The following FUT8 variants were observed in gnomAD, a reference collection of about 807,000 sequenced individuals.
FUT8 encodes the protein fucosyltransferase 8, also known as alpha-(1,6)-fucosyltransferase.
In FUT8, 29 loss-of-function variants were observed where a neutral mutation model predicts 71.3. That is an observed-to-expected ratio of 0.41 (90% CI 0.30 to 0.55). The LOEUF (loss-of-function observed/expected upper bound fraction) is 0.55, where lower values mean the gene tolerates loss of function less well. Among genes scored for constraint, FUT8 ranks in the 20% least tolerant of loss-of-function variants. FUT8 has a pLI of 0.34. For missense variants in FUT8, 544 were observed against 702.1 expected (o/e 0.77, Z 2.55); for synonymous variants, 254 against 239.3 (o/e 1.06, Z -0.57).
chr14:65,587,188 C>CAA (rs552458003), intron 3 of FUT8, among the ~76,000 whole-genome samples: 98 of 62,854 alleles, frequency 1.6e-3, no homozygotes, highest in African/African-American at 4.1e-3. Flanking sequence ...GACTCTGTCT[C>CAA]AAAAAAAAAA....
intron 3 of FUT8, among the ~76,000 whole-genome samples, chr14:65,604,580 C>T (rs1566846996): frequency 6.6e-6 from 1 of 151,788 alleles, no homozygotes. Flanking sequence ...CCTATCAAAA[C>T]CTCTGGGATA....
chr14:65,715,903 G>A (rs1238452946), intron 7 of FUT8, among the ~76,000 whole-genome samples: 1 of 151,738 alleles, frequency 6.6e-6, no homozygotes, highest in African/African-American at 2.4e-5. Context: ...CTTGAGCCTG[G>A]GAGGCAGAGT....
At chr14:65,416,883 A>G (rs1407168502) in intron 1 of FUT8, among the ~76,000 whole-genome samples, 21 of 150,328 alleles carry the variant, frequency 1.4e-4, no homozygotes, top group Admixed American at 1.0e-3. Context: ...TCCCTGGTTC[A>G]AGCCATTCTC....
the FUT8 span, among the ~76,000 whole-genome samples, chr14:65,391,734 C>T: frequency 4.0e-5 from 6 of 151,462 alleles, no homozygotes; most frequent in African/African-American, 9.7e-5. Context: ...GTGATCCACC[C>T]GCCTCAGCCT....
At chr14:65,710,001 TTC>T (rs1594923882) in intron 7 of FUT8, among the ~76,000 whole-genome samples, 1 of 152,234 alleles carries the variant, frequency 6.6e-6, no homozygotes, top group African/African-American at 2.4e-5. Flanking sequence ...GTCATTTTAT[TTC>T]TCTCTCTTTT....
rs2065176665 is a variant in FUT8 at position 65,413,704 on chromosome 14, T to G, written c.-326+490T>G. On this transcript the variant is annotated intron_variant, in intron 1 of 10. Coordinates refer to ENST00000673929, the MANE Select transcript of FUT8 (RefSeq NM_001371533.1). This position sits in a 1 kb window ranked among gnomAD's most constrained non-coding sequence, Gnocchi z 4.1. ...GGGCTAGAAAGCAGGGAGTGGACCC[T>G]CACAAAGATCCGCGAGGGACTGATG... 6.6e-6 allele frequency among the ~76,000 whole-genome samples: 1 copy of G among 152,168 alleles called. No individual in the cohort carries two copies. Among genetic ancestry groups the G allele is most frequent in the East Asian group, 1.9e-4 (1 of 5,200 alleles).
chr14:65,670,717 C>T (rs1476023129), intron 7 of FUT8, among the ~76,000 whole-genome samples: 1 of 151,826 alleles, frequency 6.6e-6, no homozygotes, highest in Non-Finnish European at 1.5e-5. Flanking sequence ...ATTTCTTTTG[C>T]CTCCTTTGAA....
In FUT8 at chr14:65,652,937, T is replaced by C. The variant is rs1566876747; in HGVS notation, c.598-16306T>C. Among the ~76,000 whole-genome samples the C allele has an allele frequency of 6.6e-6, 1 of 152,206 alleles. No individual in the cohort carries two copies. On this transcript the variant is annotated intron_variant, in intron 6 of 10. Coordinates refer to ENST00000673929, the MANE Select transcript of FUT8 (RefSeq NM_001371533.1). The surrounding 1 kb of genome is among the most constrained non-coding windows in gnomAD (Gnocchi z 4.0). ...CATTGGCCATCTCTCTCTGTATTGG[T>C]CTTTTCAGTATTGCAACTTCAAGGT...
At chr14:65,415,954 C>G (rs1280394271) in intron 1 of FUT8, among the ~76,000 whole-genome samples, 1 of 152,090 alleles carries the variant, frequency 6.6e-6, no homozygotes, top group East Asian at 1.9e-4. Context: ...AGCCTAGAAA[C>G]TGATAGTTAT....
At chr14:65,476,637 ATTTTT>A (rs200882761) in intron 2 of FUT8, among the ~76,000 whole-genome samples, 3,639 of 120,270 alleles carry the variant, frequency 0.03, 31 homozygotes, top group Non-Finnish European at 0.046. Context: ...AAAGAAGTAG[ATTTTT>A]TTTTTTTTTT....
intron 5 of FUT8, among the ~76,000 whole-genome samples, chr14:65,623,792 C>T (rs1020096237): frequency 6.6e-6 from 1 of 152,156 alleles, no homozygotes; most frequent in African/African-American, 2.4e-5. Context: ...CCTCAAATGG[C>T]CAGCACTATT....
intron 7 of FUT8, among the ~76,000 whole-genome samples, chr14:65,670,402 G>C (rs1892419498): frequency 1.3e-5 from 2 of 152,210 alleles, no homozygotes; most frequent in African/African-American, 4.8e-5. Flanking sequence ...AATGCACTTA[G>C]TACTGATATA....
chr14:65,494,035 A>G (rs1386208043), intron 2 of FUT8, among the ~76,000 whole-genome samples: 1 of 152,158 alleles, frequency 6.6e-6, no homozygotes, highest in Admixed American at 6.6e-5. Flanking sequence ...TTATAATACT[A>G]TATAAACATG....
intron 6 of FUT8, among the ~76,000 whole-genome samples, chr14:65,632,161 C>T (rs1485462695): frequency 6.6e-6 from 1 of 152,190 alleles, no homozygotes; most frequent in African/African-American, 2.4e-5. Flanking sequence ...CACAATTTTG[C>T]ATTTGCGAAC....
intron 1 of FUT8, among the ~76,000 whole-genome samples, chr14:65,454,281 A>G (rs1253668353): frequency 1.3e-5 from 2 of 152,086 alleles, no homozygotes; most frequent in Non-Finnish European, 2.9e-5. Flanking sequence ...GGGCTTTGGG[A>G]GTAGTTGACT....
intron 6 of FUT8, among the ~76,000 whole-genome samples, chr14:65,655,245 G>A (rs1334354872): frequency 3.3e-5 from 5 of 151,656 alleles, no homozygotes; most frequent in Non-Finnish European, 5.9e-5. Context: ...AGGCTGAGGC[G>A]GGCAGATCAT....
Position 65,643,986 on chromosome 14 carries a change from C to A in FUT8, c.597+14380C>A, listed in dbSNP as rs1890994982. ...CTAAGTCACAATACAGTTCTAGAAA[C>A]AATTTTCCAAATCTTAAAGCAGGTC... On this transcript the variant is annotated intron_variant, in intron 6 of 10. Coordinates refer to ENST00000673929, the MANE Select transcript of FUT8 (RefSeq NM_001371533.1). This position sits in a 1 kb window ranked among gnomAD's most constrained non-coding sequence, Gnocchi z 4.5. 4.6e-5 allele frequency among the ~76,000 whole-genome samples: 7 copies of A among 151,872 alleles called. No homozygotes were observed. Among genetic ancestry groups the A allele is most frequent in the Admixed American group, 4.6e-4 (7 of 15,262 alleles).
intron 7 of FUT8, among the ~76,000 whole-genome samples, chr14:65,671,337 C>T (rs184984244): frequency 1.3e-5 from 2 of 152,264 alleles, no homozygotes; most frequent in Admixed American, 1.3e-4. Flanking sequence ...TCGGTAGTGG[C>T]AACCACAGGG....
chr14:65,444,419 A>G (rs895493848), intron 1 of FUT8, among the ~76,000 whole-genome samples: 3 of 152,212 alleles, frequency 2.0e-5, no homozygotes, highest in Non-Finnish European at 4.4e-5. Flanking sequence ...AAGTTACCAT[A>G]TGAGCTGGCA....
Sources: allele counts gnomAD v4.1 joint callset (sites outside exome capture counted in the v4.1 genomes callset), GRCh38; gene constraint gnomAD v4.1.1; non-coding constraint Gnocchi (gnomAD v3.1); transcripts MANE v1.5; gene names NCBI Gene and HGNC (gene_info 2026-07-23, HGNC 2026-07-21).